The following ZFPM2 variants were observed in gnomAD, a reference collection of about 807,000 sequenced individuals.
ZFPM2 encodes the protein zinc finger protein, FOG family member 2.
A neutral mutation model predicts 98.6 loss-of-function variants in ZFPM2; 20 were observed. The observed-to-expected ratio is 0.20, with a 90% confidence interval of 0.14 to 0.29. The LOEUF (loss-of-function observed/expected upper bound fraction) is 0.29. ZFPM2 is among the 10% of genes least tolerant of loss of function. The pLI is 1.00. For missense variants in ZFPM2, 1,310 were observed against 1,388.6 expected (o/e 0.94, Z 0.90); for synonymous variants, 518 against 502.7 (o/e 1.03, Z -0.41).
chr8:105,792,825 T>C (rs1255876069), intron 6 of ZFPM2, among the ~76,000 whole-genome samples: 4 of 152,236 alleles, frequency 2.6e-5, no homozygotes, highest in Non-Finnish European at 5.9e-5. Flanking sequence ...AATTCATCCC[T>C]TTACCATTAT....
intron 1 of ZFPM2, among the ~76,000 whole-genome samples, chr8:105,322,126 G>T (rs1257736546): frequency 6.6e-6 from 1 of 152,076 alleles, no homozygotes; most frequent in Admixed American, 6.5e-5. Flanking sequence ...TGGTGTGGGA[G>T]CCATATCATG....
chr8:105,409,415 A>T (rs1048004167), intron 1 of ZFPM2, among the ~76,000 whole-genome samples: 3 of 152,026 alleles, frequency 2.0e-5, no homozygotes, highest in South Asian at 2.1e-4. Context: ...TCCCAGAATC[A>T]TCTGAAAGAA....
In ZFPM2 at chr8:105,355,361, C is replaced by A. The variant is rs550822144; in HGVS notation, c.40+36380C>A. 2.0e-5 allele frequency among the ~76,000 whole-genome samples: 3 copies of A among 152,210 alleles called. No homozygotes were observed. In the South Asian group the frequency reaches 6.2e-4, roughly 32 times the overall value. On this transcript the variant is annotated intron_variant, in intron 1 of 7. Coordinates refer to ENST00000407775, the MANE Select transcript of ZFPM2 (RefSeq NM_012082.4). ...ACTGAAAATTCTTCAGACACAAATT[C>A]TTTAATCCTTTCTTATGGTATCTTT...
chr8:105,803,414 C>T lies in ZFPM2; in HGVS notation c.3332C>T (p.Ser1111Phe), dbSNP rs1814106543. ...AGTATAGCAAAAGGTGTGAATGGTT[C>T]CAGCCAGGCTCCAACCAGTGGGAAA... ...LSSIAKGVNGSSQAPTSGKYC... is the reference protein window; with the variant it reads ...LSSIAKGVNGFSQAPTSGKYC... Residue 1111 changes from serine (S) to phenylalanine (F), a missense_variant, in exon 8 of 8, where the codon TCC (serine) becomes TTC (phenylalanine). Physicochemically the swap from Ser to Phe is radical, Grantham distance 155. Transcript: ENST00000407775. 1 of 1,613,808 alleles carries T rather than the reference C, an allele frequency of 6.2e-7. No homozygotes were observed. The highest frequency in any genetic ancestry group is 8.5e-7 in the Non-Finnish European group (1 of 1,179,806).
intron 5 of ZFPM2, among the ~76,000 whole-genome samples, chr8:105,661,966 T>A (rs1237159483): frequency 6.6e-6 from 1 of 151,838 alleles, no homozygotes; most frequent in Non-Finnish European, 1.5e-5. Flanking sequence ...AGAGGTTCTT[T>A]CTCTTTGTAA....
intron 1 of ZFPM2, among the ~76,000 whole-genome samples, chr8:105,394,238 T>A (rs1388709993): frequency 6.6e-6 from 1 of 152,136 alleles, no homozygotes; most frequent in Non-Finnish European, 1.5e-5. Flanking sequence ...GAGATGCTCC[T>A]GCAAGTGGGG....
At chr8:105,551,366 A>G (rs1475578149) in intron 3 of ZFPM2, among the ~76,000 whole-genome samples, 2 of 152,084 alleles carry the variant, frequency 1.3e-5, no homozygotes, top group African/African-American at 4.8e-5. Flanking sequence ...CCTAGGGTCT[A>G]TATTCATTGG....
intron 3 of ZFPM2, among the ~76,000 whole-genome samples, chr8:105,545,015 T>C (rs560909555): frequency 1.3e-5 from 2 of 152,312 alleles, no homozygotes; most frequent in African/African-American, 2.4e-5. Context: ...TATTTTTTCC[T>C]GAGGATATGC....
chr8:105,490,831 C>T (rs1451340525), intron 3 of ZFPM2, among the ~76,000 whole-genome samples: 2 of 152,022 alleles, frequency 1.3e-5, no homozygotes, highest in Non-Finnish European at 2.9e-5. Context: ...AAATACAGTA[C>T]TTGCATGTCT....
At chr8:105,399,656 C>A (rs1811294922) in intron 1 of ZFPM2, among the ~76,000 whole-genome samples, 1 of 152,116 alleles carries the variant, frequency 6.6e-6, no homozygotes, top group African/African-American at 2.4e-5. Flanking sequence ...TATTATAAAA[C>A]ATTAACACAT....
chr8:105,371,551 CA>C (rs1810621811), intron 1 of ZFPM2, among the ~76,000 whole-genome samples: 1 of 152,032 alleles, frequency 6.6e-6, no homozygotes, highest in Admixed American at 6.6e-5. Context: ...TTCTTTAGAG[CA>C]ATCAGAAGGT....
chr8:105,322,155 G>T (rs1307106034), intron 1 of ZFPM2, among the ~76,000 whole-genome samples: 1 of 152,042 alleles, frequency 6.6e-6, no homozygotes, highest in African/African-American at 2.4e-5. Flanking sequence ...CCATCTCCCC[G>T]CACAGCTGCT....
At chr8:105,331,550 A>G (rs992459581) in intron 1 of ZFPM2, among the ~76,000 whole-genome samples, 1 of 151,794 alleles carries the variant, frequency 6.6e-6, no homozygotes, top group African/African-American at 2.4e-5. Context: ...ACAGGAGGTG[A>G]AACAGATGTT....
intron 5 of ZFPM2, among the ~76,000 whole-genome samples, chr8:105,639,533 C>A (rs1816910059): frequency 1.3e-5 from 2 of 151,994 alleles, no homozygotes; most frequent in African/African-American, 2.4e-5. Context: ...TTATAAAAAT[C>A]TATATTTCAT....
intron 3 of ZFPM2, among the ~76,000 whole-genome samples, chr8:105,560,260 G>A (rs972414008): frequency 2.6e-5 from 4 of 151,132 alleles, no homozygotes; most frequent in African/African-American, 7.3e-5. Flanking sequence ...GATTTTCAGT[G>A]ACATTAAAAT....
intron 5 of ZFPM2, among the ~76,000 whole-genome samples, chr8:105,646,880 G>A (rs528649995): frequency 6.6e-6 from 1 of 152,220 alleles, no homozygotes; most frequent in Admixed American, 6.5e-5. Context: ...TGTCTTTGCT[G>A]AGCCTGTGCC....
At chr8:105,669,094 A>G (rs1305223114) in intron 5 of ZFPM2, among the ~76,000 whole-genome samples, 1 of 152,078 alleles carries the variant, frequency 6.6e-6, no homozygotes, top group Non-Finnish European at 1.5e-5. Flanking sequence ...TAAACTAGCT[A>G]TGTTAGTATA....
At chr8:105,530,399 G>A (rs1300700455) in intron 3 of ZFPM2, among the ~76,000 whole-genome samples, 2 of 152,064 alleles carry the variant, frequency 1.3e-5, no homozygotes, top group Non-Finnish European at 2.9e-5. Context: ...CTGTTCTGGC[G>A]GCCGTAACTA....
intron 1 of ZFPM2, among the ~76,000 whole-genome samples, chr8:105,351,383 T>TTG (rs895203164): frequency 3.2e-4 from 24 of 74,598 alleles, no homozygotes; most frequent in African/African-American, 7.9e-4. Flanking sequence ...GTGTGTGTGT[T>TTG]TGTGTGTGTG....
Sources: gnomAD v4.1 joint callset for allele counts (sites outside exome capture counted in the v4.1 genomes callset) on GRCh38, gnomAD v4.1.1 for gene constraint, MANE v1.5 for transcripts, NCBI Gene and HGNC (gene_info 2026-07-23, HGNC 2026-07-21) for gene names.